CNMD: variants seen among roughly 807,000 people sequenced by gnomAD.
The protein encoded by CNMD is chondromodulin.
A neutral mutation model predicts 37.5 loss-of-function variants in CNMD; 30 were observed. The ratio of observed to expected loss-of-function variants is 0.80; its 90% CI spans 0.60 to 1.09. CNMD has a LOEUF of 1.09. CNMD is among the 50% of genes least tolerant of loss of function. CNMD has a pLI of 0.00. For missense variants in CNMD, 398 were observed against 423.9 expected, an observed-to-expected ratio of 0.94 and a Z score of 0.54; for synonymous variants, 167 against 148.2, an observed-to-expected ratio of 1.13 and a Z score of -0.92.
chr13:52,715,545 C>T (rs1248746608), intron 4 of CNMD, among the ~76,000 whole-genome samples: 2 of 152,166 alleles, frequency 1.3e-5, no homozygotes, highest in Non-Finnish European at 2.9e-5. Context: ...ATGTTCCCCT[C>T]CCTGTGTCCA....
intron 4 of CNMD, among the ~76,000 whole-genome samples, chr13:52,716,634 G>T (rs895302664): frequency 2.0e-5 from 3 of 152,074 alleles, no homozygotes; most frequent in Non-Finnish European, 2.9e-5. Flanking sequence ...TTTTTGTCAG[G>T]TTTGTCAAAG....
chr13:52,736,408 C>T (rs9563117), intron 2 of CNMD, among the ~76,000 whole-genome samples: 20,153 of 152,194 alleles, frequency 0.13, 1,426 homozygotes, highest in East Asian at 0.3. Context: ...GGATTACAGA[C>T]GTGAGCCACC....
At chr13:52,718,526 A>T (rs1017776209) in intron 4 of CNMD, among the ~76,000 whole-genome samples, 1 of 152,132 alleles carries the variant, frequency 6.6e-6, no homozygotes, top group Non-Finnish European at 1.5e-5. Context: ...TGTACCAGAG[A>T]TTCTGGTACA....
intron 3 of CNMD, 161 bp downstream of exon 3, chr13:52,733,058 C>T: frequency 1.4e-6 from 1 of 696,550 alleles, no homozygotes; most frequent in Non-Finnish European, 2.5e-6. Flanking sequence ...CTGGTCCTTT[C>T]TCAGAGAGAA....
chr13:52,728,106 G>T (rs1336982055), intron 3 of CNMD, among the ~76,000 whole-genome samples: 1 of 152,102 alleles, frequency 6.6e-6, no homozygotes, highest in Non-Finnish European at 1.5e-5. Flanking sequence ...AAAATCACCT[G>T]GGCCAGGGCG....
intron 3 of CNMD, 115 bp downstream of exon 3, chr13:52,733,104 G>A: frequency 2.0e-6 from 2 of 1,003,906 alleles, no homozygotes; most frequent in Non-Finnish European, 1.6e-6. Flanking sequence ...CACTACAACT[G>A]CTATAAAGAA....
chr13:52,724,179 G>A, intron 3 of CNMD, 69 bp from the exon 4 acceptor site: 1 of 1,179,712 alleles, frequency 8.5e-7, no homozygotes, highest in East Asian at 2.4e-5. Context: ...AGTGTCTACT[G>A]TGTTCCAGAT....
Position 52,739,350 on chromosome 13 carries a change from C to T in CNMD, c.73-179G>A. ...CTCCCTCCCGAGGGTCCTTTGCAGT[C>T]GGGCGTGGAAGTGGGATGAGCAAAC... On this transcript the variant is annotated intron_variant, in intron 1 of 6. Transcript: ENST00000377962. This position sits in a 1 kb window ranked among gnomAD's most constrained non-coding sequence, Gnocchi z 5.4. 3 of 781,082 alleles carry T rather than the reference C, an allele frequency of 3.8e-6. No individual in the cohort carries two copies. Among genetic ancestry groups the T allele is most frequent in the South Asian group, 3.9e-5 (2 of 51,882 alleles). 48.4% of individuals were successfully genotyped at this position (781,082 alleles called of 1,614,324 possible).
At chr13:52,716,738 T>G (rs1292190612) in intron 4 of CNMD, among the ~76,000 whole-genome samples, 1 of 152,180 alleles carries the variant, frequency 6.6e-6, no homozygotes, top group South Asian at 2.1e-4. Flanking sequence ...CCATGCTGTT[T>G]TGGTTACTAT....
At chr13:52,724,291 C>G (rs1263166702) in intron 3 of CNMD, among the ~76,000 whole-genome samples, 181 bp from the exon 4 acceptor site, 1 of 151,604 alleles carries the variant, frequency 6.6e-6, no homozygotes, top group Non-Finnish European at 1.5e-5. Flanking sequence ...AACAGCCGGG[C>G]GGCCTGGCGC....
At position 52,712,784 on chromosome 13, in the gene CNMD, A is replaced by C; in HGVS notation, c.554T>G (p.Leu185Trp). ...GCAGAGTTCTAACACCTTAGAACTC[A>C]AGAAGCTGTTGTCCTTCACAGGCTG... The part of the protein sequence containing the change: ...VDQPVKDNSF[L>W]SSKVLELCGD... The change falls in exon 5 of 7, where the codon TTG becomes TGG. Residue 185 changes from leucine to tryptophan, a missense_variant. Coordinates refer to ENST00000377962, the MANE Select transcript of CNMD (RefSeq NM_007015.3). 1 of 1,596,498 alleles carries C rather than the reference A, an allele frequency of 6.3e-7. No homozygotes were observed. Among genetic ancestry groups the C allele is most frequent in the Admixed American group, 1.7e-5 (1 of 57,764 alleles).
At chr13:52,705,656 G>GT (rs1227931202) in intron 6 of CNMD, among the ~76,000 whole-genome samples, 1 of 152,112 alleles carries the variant, frequency 6.6e-6, no homozygotes, top group African/African-American at 2.4e-5. Context: ...CCTAAGATAT[G>GT]TTTTTTAAAG....
Position 52,703,688 on chromosome 13 carries a change from G to T in CNMD, c.912C>A (p.Tyr304Ter). The change falls in exon 7 of 7, where the codon TAC becomes TAA. Residue 304 changes from tyrosine to a stop codon, truncating the protein, a stop_gained. Coordinates refer to ENST00000377962, the MANE Select transcript of CNMD (RefSeq NM_007015.3). LOFTEE classifies it high-confidence loss of function. ...AGCCTTGATAATTATAAGGCCATGGGTAATAGCCCCCCAGGGGTTCACAGA... is the reference window on the plus strand; with the variant it reads ...AGCCTTGATAATTATAAGGCCATGGTTAATAGCCCCCCAGGGGTTCACAGA... The part of the protein sequence containing the change: ...QKICEPLGGY[Y>*]PWPYNYQGCR... The T allele has an allele frequency of 1.9e-6, 3 of 1,614,152 alleles. No homozygotes were observed. Among genetic ancestry groups the T allele is most frequent in the Non-Finnish European group, 1.7e-6 (2 of 1,179,980 alleles).
At chr13:52,713,073 C>T (rs944605017) in intron 4 of CNMD, among the ~76,000 whole-genome samples, 1 of 152,106 alleles carries the variant, frequency 6.6e-6, no homozygotes, top group African/African-American at 2.4e-5. Context: ...CCTCCTGTTG[C>T]CCTGCCTCTG....
chr13:52,727,478 A>C (rs537965779), intron 3 of CNMD, among the ~76,000 whole-genome samples: 19 of 152,292 alleles, frequency 1.2e-4, no homozygotes, highest in Non-Finnish European at 2.8e-4. Context: ...CCTGCACAAC[A>C]TGGTGAGACC....
chr13:52,713,792 A>T (rs925914678), intron 4 of CNMD, among the ~76,000 whole-genome samples: 1 of 152,194 alleles, frequency 6.6e-6, no homozygotes, highest in Non-Finnish European at 1.5e-5. Context: ...GTGGTACATA[A>T]ATCTACCCCA....
intron 3 of CNMD, among the ~76,000 whole-genome samples, chr13:52,729,924 A>T (rs1964635759): frequency 6.6e-6 from 1 of 151,650 alleles, no homozygotes; most frequent in Non-Finnish European, 1.5e-5. Context: ...GGTGAGCTGC[A>T]CCCATTAACT....
intron 6 of CNMD, among the ~76,000 whole-genome samples, chr13:52,706,357 T>C (rs995041217): frequency 2.0e-5 from 3 of 152,200 alleles, no homozygotes; most frequent in African/African-American, 4.8e-5. Context: ...GTATTTATGC[T>C]AAAGGTAGAC....
intron 4 of CNMD, 68 bp downstream of exon 4, chr13:52,723,929 C>T: frequency 9.9e-7 from 1 of 1,009,358 alleles, no homozygotes; most frequent in Non-Finnish European, 1.5e-6. Context: ...AAATAAAAAC[C>T]AAAAGGGTTG....
Sources: gnomAD v4.1 joint callset for allele counts (sites outside exome capture counted in the v4.1 genomes callset) on GRCh38, gnomAD v4.1.1 for gene constraint, Gnocchi (gnomAD v3.1) non-coding constraint, MANE v1.5 for transcripts, NCBI Gene and HGNC (gene_info 2026-07-23, HGNC 2026-07-21) for gene names.